QTMAN: variants seen among roughly 807,000 people sequenced by gnomAD.
QTMAN encodes tRNA-queuosine alpha-mannosyltransferase.
the QTMAN span, chr2:144,178,690 C>T: frequency 4.1e-6 from 1 of 244,798 alleles, no homozygotes; most frequent in Non-Finnish European, 8.1e-6. Context: ...TACCATAATG[C>T]TATTCATCCC....
chr2:144,222,381 A>T, the QTMAN span, among the ~76,000 whole-genome samples: 1 of 151,766 alleles, frequency 6.6e-6, no homozygotes, highest in Admixed American at 6.6e-5. Context: ...TTTAAACTTC[A>T]AGTAAAATGC....
chr2:143,996,127 G>A, the QTMAN span, among the ~76,000 whole-genome samples: 2 of 152,188 alleles, frequency 1.3e-5, no homozygotes, highest in African/African-American at 4.8e-5. Context: ...AAAGGCTCAT[G>A]TAAGAGTACT....
chr2:143,943,686 T>A, the QTMAN span: 1 of 152,226 alleles, frequency 6.6e-6, no homozygotes, highest in East Asian at 1.9e-4. Context: ...CAGCCCTCTA[T>A]GGCTAAGAGT....
At chr2:144,100,045 T>C in the QTMAN span, among the ~76,000 whole-genome samples, 4 of 152,216 alleles carry the variant, frequency 2.6e-5, no homozygotes, top group African/African-American at 9.7e-5. Context: ...TTTAACATAT[T>C]TTATGCAGCA....
the QTMAN span, among the ~76,000 whole-genome samples, chr2:143,981,189 G>A: frequency 3.3e-5 from 5 of 152,106 alleles, no homozygotes; most frequent in African/African-American, 9.7e-5. Context: ...CTGAAAGACC[G>A]ACACATCAGA....
At chr2:143,958,596 C>T in the QTMAN span, among the ~76,000 whole-genome samples, 1 of 151,806 alleles carries the variant, frequency 6.6e-6, no homozygotes, top group Non-Finnish European at 1.5e-5. Context: ...AGATAAATTC[C>T]CCCCTTAAAT....
chr2:144,015,117 T>A, the QTMAN span, among the ~76,000 whole-genome samples: 4 of 152,132 alleles, frequency 2.6e-5, no homozygotes, highest in African/African-American at 9.7e-5. Flanking sequence ...TTAAGGTCCT[T>A]ATGAATGTAT....
At chr2:144,242,790 C>T in the QTMAN span, among the ~76,000 whole-genome samples, 292 of 151,654 alleles carry the variant, frequency 1.9e-3, 1 homozygote, top group African/African-American at 6.5e-3. Flanking sequence ...GGCAAAACCC[C>T]GTCTCTATTA....
chr2:144,031,849 T>C, the QTMAN span, among the ~76,000 whole-genome samples: 7 of 152,096 alleles, frequency 4.6e-5, no homozygotes, highest in Non-Finnish European at 8.8e-5. Flanking sequence ...CTCTGCCTCC[T>C]GGGTTCAAGC....
At chr2:144,155,204 T>A in the QTMAN span, among the ~76,000 whole-genome samples, 1 of 152,098 alleles carries the variant, frequency 6.6e-6, no homozygotes, top group Non-Finnish European at 1.5e-5. Context: ...TTCACCATCG[T>A]AAAGTATTCA....
At chr2:144,029,030 C>T in the QTMAN span, among the ~76,000 whole-genome samples, 1 of 152,144 alleles carries the variant, frequency 6.6e-6, no homozygotes, top group South Asian at 2.1e-4. Flanking sequence ...TTCAGGGTCA[C>T]CATCTAATAG....
At chr2:144,021,227 A>G in the QTMAN span, among the ~76,000 whole-genome samples, 3 of 152,214 alleles carry the variant, frequency 2.0e-5, no homozygotes, top group Admixed American at 6.5e-5. Context: ...TTCAGGTGAG[A>G]GAGCAAGGGA....
chr2:144,085,734 C>T, the QTMAN span, among the ~76,000 whole-genome samples: 1 of 152,130 alleles, frequency 6.6e-6, no homozygotes, highest in Non-Finnish European at 1.5e-5. Context: ...TTCAGTGAGG[C>T]TTTGAATCGG....
the QTMAN span, among the ~76,000 whole-genome samples, chr2:143,954,859 T>C: frequency 6.6e-6 from 1 of 152,162 alleles, no homozygotes; most frequent in Non-Finnish European, 1.5e-5. Context: ...ACTGATCTAT[T>C]GTTAAAAAGA....
chr2:144,030,578 A>G, the QTMAN span, among the ~76,000 whole-genome samples: 1 of 152,202 alleles, frequency 6.6e-6, no homozygotes, highest in Non-Finnish European at 1.5e-5. Flanking sequence ...GTTTCCTGCT[A>G]AAGAAGATGA....
chr2:143,967,724 C>T, the QTMAN span, among the ~76,000 whole-genome samples: 3 of 152,002 alleles, frequency 2.0e-5, no homozygotes, highest in Admixed American at 2.0e-4. Flanking sequence ...TAAGAGATTA[C>T]GAATGCTGAA....
At chr2:143,958,009 C>A in the QTMAN span, among the ~76,000 whole-genome samples, 2 of 152,036 alleles carry the variant, frequency 1.3e-5, no homozygotes, top group Non-Finnish European at 2.9e-5. Flanking sequence ...AATAAATGCA[C>A]CAGTAATGTA....
chr2:144,215,915 T>C, the QTMAN span, among the ~76,000 whole-genome samples: 2 of 152,152 alleles, frequency 1.3e-5, no homozygotes, highest in Non-Finnish European at 2.9e-5. Context: ...TAAAATGACA[T>C]GCTCAAAAAC....
At chr2:144,323,158 A>T in the QTMAN span, among the ~76,000 whole-genome samples, 1 of 152,192 alleles carries the variant, frequency 6.6e-6, no homozygotes, top group African/African-American at 2.4e-5. Context: ...TCAAGTAAAA[A>T]TGATGCTTCA....
Sources: allele counts gnomAD v4.1 joint callset (sites outside exome capture counted in the v4.1 genomes callset), GRCh38; gene constraint gnomAD v4.1.1; transcripts MANE v1.5; gene names NCBI Gene and HGNC (gene_info 2026-07-23, HGNC 2026-07-21).